The following ARID1B variants were observed in gnomAD, a reference collection of about 807,000 sequenced individuals.
The protein encoded by ARID1B is AT-rich interaction domain 1B.
ARID1B carries 30 observed loss-of-function variants against 212.3 expected under a neutral mutation model. The ratio of observed to expected loss-of-function variants is 0.14; its 90% CI spans 0.11 to 0.19. ARID1B has a LOEUF of 0.19. Ranked by LOEUF, ARID1B falls within the 10% of genes least tolerant of loss-of-function variation. ARID1B has a pLI of 1.00. For missense variants in ARID1B, 2,891 were observed against 3,204.0 expected, an observed-to-expected ratio of 0.90 and a Z score of 2.36; for synonymous variants, 1,402 against 1,301.7, an observed-to-expected ratio of 1.08 and a Z score of -1.66.
At chr6:156,787,039 G>T (rs914482404) in intron 1 of ARID1B, among the ~76,000 whole-genome samples, 19 of 149,868 alleles carry the variant, frequency 1.3e-4, no homozygotes, top group Non-Finnish European at 1.5e-5. Flanking sequence ...TAGTTGATGT[G>T]ATCTAGTGAC....
intron 7 of ARID1B, among the ~76,000 whole-genome samples, chr6:157,133,481 C>T (rs1351993719): frequency 1.3e-5 from 2 of 152,218 alleles, no homozygotes; most frequent in Non-Finnish European, 2.9e-5. Flanking sequence ...GGACCCCTAT[C>T]TTCTGTGACG....
chr6:156,867,469 C>G (rs1408436223), intron 2 of ARID1B, among the ~76,000 whole-genome samples: 1 of 152,082 alleles, frequency 6.6e-6, no homozygotes, highest in Non-Finnish European at 1.5e-5. Context: ...TACACTGTTT[C>G]CTGTGGAAAG....
intron 4 of ARID1B, among the ~76,000 whole-genome samples, chr6:157,011,688 A>C (rs555024012): frequency 1.7e-4 from 26 of 152,210 alleles, no homozygotes; most frequent in Non-Finnish European, 2.5e-4. Flanking sequence ...GTTAATGTGA[A>C]TATTATCAGA....
rs1288189434 is a variant in ARID1B at position 157,206,773 on chromosome 6, G to A, written c.6001G>A (p.Asp2001Asn). 7.4e-6 allele frequency: 12 copies of A among 1,613,678 alleles called. No individual in the cohort carries two copies. Among genetic ancestry groups the A allele is most frequent in the South Asian group, 1.1e-5 (1 of 91,084 alleles). The change falls in exon 20 of 20, where the codon GAT becomes AAT. Residue 2001 changes from aspartate to asparagine, a missense_variant. Asp to Asn is a conservative substitution (Grantham distance 23). This residue lies in a region of ARID1B where 332 missense variants were observed against 369.2 expected (regional missense o/e 0.90). Transcript: ENST00000636930. The surrounding 1 kb of genome is among the most constrained non-coding windows in gnomAD (Gnocchi z 6.8). ...AGAGAAAAGCATCATAGCAACCATCGATGACGTCCTCTCTGCTCGGCCAGG... is the reference window on the plus strand; with the variant it reads ...AGAGAAAAGCATCATAGCAACCATCAATGACGTCCTCTCTGCTCGGCCAGG... ...QQEKSIIATI[D>N]DVLSARPGAL...
Position 157,198,855 on chromosome 6 carries a change from C to A in ARID1B, c.4427C>A (p.Ser1476Ter), listed in dbSNP as rs1554234983. The A allele has an allele frequency of 6.2e-7, 1 of 1,611,316 alleles. No individual in the cohort carries two copies. ...CAGTATCCAGGCCAAGGCCCTCCCT[C>A]GGGACAGCCGCCGTATGGAGGGCAC... ...GQQYPGQGPP[S>*]GQPPYGGHQP... is the part of the protein sequence containing the mutation. The change falls in exon 17 of 20, where the codon TCG becomes TAG. Residue 1476 changes from serine (S) to a stop codon, truncating the protein, a stop_gained. Transcript: ENST00000636930. LOFTEE classifies it high-confidence loss of function.
At chr6:157,056,305 C>T (rs1247487520) in intron 4 of ARID1B, among the ~76,000 whole-genome samples, 2 of 152,048 alleles carry the variant, frequency 1.3e-5, no homozygotes, top group Non-Finnish European at 2.9e-5. Context: ...TCAAAATGTC[C>T]TTAACTTGAA....
intron 6 of ARID1B, among the ~76,000 whole-genome samples, chr6:157,124,457 T>C (rs535552585): frequency 6.6e-6 from 1 of 152,342 alleles, no homozygotes; most frequent in East Asian, 1.9e-4. Context: ...ACTGCTTTCC[T>C]GGAAGGGCAA....
intron 11 of ARID1B, among the ~76,000 whole-genome samples, chr6:157,178,646 A>G (rs942689997): frequency 5.9e-5 from 9 of 152,216 alleles, no homozygotes; most frequent in Admixed American, 4.6e-4. Flanking sequence ...AAAAAGAACT[A>G]TTCTCTTAGA....
rs758458907 is a variant in ARID1B, at chr6:157,148,239, C to G, written c.2762-385C>G. Among the ~76,000 whole-genome samples, 13 of 151,954 alleles carry G rather than the reference C, an allele frequency of 8.6e-5. No individual in the cohort carries two copies. The highest frequency in any genetic ancestry group is 1.3e-4 in the Non-Finnish European group (9 of 67,998). ...GGTAGCAGTGATCTAGTGGTGTGAT[C>G]TCAAGAGTGGTGCTCACCATTTTGG... On this transcript the variant is annotated intron_variant, in intron 7 of 19. Coordinates refer to ENST00000636930, the MANE Select transcript of ARID1B (RefSeq NM_001374828.1). The surrounding 1 kb of genome is among the most constrained non-coding windows in gnomAD (Gnocchi z 5.6).
chr6:157,010,188 G>T (rs1779485976), intron 4 of ARID1B, among the ~76,000 whole-genome samples: 1 of 151,364 alleles, frequency 6.6e-6, no homozygotes, highest in African/African-American at 2.4e-5. Flanking sequence ...CTATCTTTGG[G>T]TAATCTTGAA....
At chr6:157,112,683 A>G (rs953875356) in intron 6 of ARID1B, among the ~76,000 whole-genome samples, 2 of 152,186 alleles carry the variant, frequency 1.3e-5, no homozygotes, top group Non-Finnish European at 2.9e-5. Context: ...AAATTGGGCA[A>G]TGTAGAAAAC....
intron 3 of ARID1B, among the ~76,000 whole-genome samples, chr6:156,921,729 A>G (rs1464931698): frequency 6.6e-6 from 1 of 152,220 alleles, no homozygotes; most frequent in Non-Finnish European, 1.5e-5. Flanking sequence ...AGTAATACAT[A>G]TTTGTAAAAA....
At chr6:157,128,416 G>T (rs1288430369) in intron 6 of ARID1B, among the ~76,000 whole-genome samples, 1 of 152,148 alleles carries the variant, frequency 6.6e-6, no homozygotes, top group African/African-American at 2.4e-5. Context: ...AGGCATGGTG[G>T]CCCACACCTG....
chr6:157,137,454 T>G (rs1192477167), intron 7 of ARID1B, among the ~76,000 whole-genome samples: 3 of 152,224 alleles, frequency 2.0e-5, no homozygotes, highest in Non-Finnish European at 4.4e-5. Flanking sequence ...ATGTTAATTA[T>G]TAATAAGTGA....
chr6:157,039,322 C>CTTTTCTTTTTTTTTTTTTTTTTTTTT (rs1781548213), intron 4 of ARID1B, among the ~76,000 whole-genome samples: 1 of 102,976 alleles, frequency 9.7e-6, no homozygotes. Flanking sequence ...TTTGACATTT[C>CTTTTCTTTTTTTTTTTTTTTTTTTTT]TTTTTTTTTT....
At chr6:156,810,662 A>G (rs1170138462) in intron 1 of ARID1B, among the ~76,000 whole-genome samples, 1 of 152,162 alleles carries the variant, frequency 6.6e-6, no homozygotes, top group East Asian at 1.9e-4. Flanking sequence ...TTGATATAGA[A>G]GGTGATCCTT....
At chr6:156,905,946 G>A (rs1397636494) in intron 3 of ARID1B, among the ~76,000 whole-genome samples, 1 of 152,172 alleles carries the variant, frequency 6.6e-6, no homozygotes, top group Non-Finnish European at 1.5e-5. Context: ...TACTTGAATA[G>A]CTTTTTCCTT....
intron 6 of ARID1B, among the ~76,000 whole-genome samples, chr6:157,122,329 A>G (rs2128552793): frequency 6.6e-6 from 1 of 152,350 alleles, no homozygotes; most frequent in Non-Finnish European, 1.5e-5. Flanking sequence ...TGCTAATATT[A>G]CTATTCACAA....
chr6:156,934,784 A>G (rs284418), intron 3 of ARID1B, among the ~76,000 whole-genome samples: 93,893 of 150,346 alleles, frequency 0.62, 31,077 homozygotes, highest in African/African-American at 0.85. Context: ...CTCTGGGTTC[A>G]CTCTGGGTTT....
Sources: gnomAD v4.1 joint callset for allele counts (sites outside exome capture counted in the v4.1 genomes callset) on GRCh38, gnomAD v4.1.1 for gene constraint, gnomAD v4.1.1 regional missense constraint, Gnocchi (gnomAD v3.1) non-coding constraint, MANE v1.5 for transcripts, NCBI Gene and HGNC (gene_info 2026-07-23, HGNC 2026-07-21) for gene names.